XYLT1: variants seen among roughly 807,000 people sequenced by gnomAD.
XYLT1 encodes the protein xylosyltransferase 1.
Under a neutral mutation model 91.3 loss-of-function variants are expected in XYLT1, and 36 were observed. That is an observed-to-expected ratio of 0.39 (90% CI 0.30 to 0.52). XYLT1 has a LOEUF of 0.52. XYLT1 is among the 20% of genes least tolerant of loss of function. The probability of loss-of-function intolerance (pLI) is 0.68; values close to 1 mark genes in which losing one functional copy is unlikely to be tolerated. For missense variants in XYLT1, 1,242 were observed against 1,284.5 expected, an observed-to-expected ratio of 0.97 and a Z score of 0.51; for synonymous variants, 588 against 532.0, an observed-to-expected ratio of 1.11 and a Z score of -1.45.
intron 2 of XYLT1, among the ~76,000 whole-genome samples, chr16:17,331,238 A>G (rs2034895028): frequency 6.6e-6 from 1 of 152,216 alleles, no homozygotes; most frequent in Admixed American, 6.5e-5. Context: ...GGCCGCCTTG[A>G]CCATGCCGGC....
rs556812501 is a variant in XYLT1, at chr16:17,456,629, C to T, written c.363+13805G>A. Among the ~76,000 whole-genome samples, 7 of 152,334 alleles carry T rather than the reference C, an allele frequency of 4.6e-5. No homozygotes were observed. The South Asian group carries it at 1.2e-3, about 27-fold the overall frequency. ...GCGCTGGGATTACAGGCATGTGCCA[C>T]CACGCCCGGCAACAGTACCAACTTT... is the stretch of plus-strand genomic sequence containing the variant. On this transcript the variant is annotated intron_variant, in intron 1 of 11. Transcript: ENST00000261381.
rs146379031 is a variant in XYLT1 at position 17,344,454 on chromosome 16, T to C, written c.402+13558A>G. On this transcript the variant is annotated intron_variant, in intron 2 of 11. Transcript: ENST00000261381. ...CTTGCAGTGAGCCGAGATCACGCCA[T>C]TGCACTCCATCCTGGGTGACAGAAG... 1.9e-3 allele frequency among the ~76,000 whole-genome samples: 287 copies of C among 149,248 alleles called. 1 individual carries two copies. The highest frequency in any genetic ancestry group is 6.6e-3 in the African/African-American group (267 of 40,484).
chr16:17,383,237 C>T (rs8049688), intron 1 of XYLT1, among the ~76,000 whole-genome samples: 46,401 of 151,694 alleles, frequency 0.31, 7,762 homozygotes, highest in Non-Finnish European at 0.38. Context: ...TCATTTTGCA[C>T]GGCCCATTCT....
intron 1 of XYLT1, among the ~76,000 whole-genome samples, chr16:17,419,331 G>A (rs1031734563): frequency 1.4e-4 from 22 of 151,916 alleles, no homozygotes; most frequent in African/African-American, 5.3e-4. Flanking sequence ...GACAGAGCAA[G>A]ATCCTGTCTC....
At chr16:17,291,984 C>T (rs1185227614) in intron 2 of XYLT1, among the ~76,000 whole-genome samples, 1 of 151,770 alleles carries the variant, frequency 6.6e-6, no homozygotes, top group Non-Finnish European at 1.5e-5. Flanking sequence ...CCCAGGAGTT[C>T]AAGACCAGCC....
At chr16:17,422,227 C>T (rs1352347924) in intron 1 of XYLT1, among the ~76,000 whole-genome samples, 1 of 150,566 alleles carries the variant, frequency 6.6e-6, no homozygotes, top group Non-Finnish European at 1.5e-5. Context: ...GGTGGGGTCT[C>T]GCTCTGTCAC....
At chr16:17,188,055 C>T (rs2032225549) in intron 5 of XYLT1, among the ~76,000 whole-genome samples, 1 of 152,050 alleles carries the variant, frequency 6.6e-6, no homozygotes, top group South Asian at 2.1e-4. Context: ...AGGTGGCTGC[C>T]TGGCTCTGAG....
chr16:17,457,866 A>G (rs1338637318), intron 1 of XYLT1, among the ~76,000 whole-genome samples: 1 of 152,202 alleles, frequency 6.6e-6, no homozygotes. Flanking sequence ...TAGTCTGGGG[A>G]AAAAAATAAG....
At chr16:17,134,449 C>G in intron 9 of XYLT1, 24 bp downstream of exon 9, 1 of 1,612,396 alleles carries the variant, frequency 6.2e-7, no homozygotes, top group Non-Finnish European at 8.5e-7. Context: ...CAGCTCTCCT[C>G]TCTGCATCCC....
At chr16:17,345,520 G>C (rs2035132002) in intron 2 of XYLT1, among the ~76,000 whole-genome samples, 1 of 152,170 alleles carries the variant, frequency 6.6e-6, no homozygotes, top group Non-Finnish European at 1.5e-5. Context: ...AAAAGGCAGG[G>C]GGTGACGCAG....
intron 2 of XYLT1, among the ~76,000 whole-genome samples, chr16:17,302,317 T>G (rs1447109018): frequency 2.6e-5 from 4 of 152,164 alleles, no homozygotes; most frequent in African/African-American, 9.7e-5. Flanking sequence ...AGTATCAGCA[T>G]AAGATGTCGA....
At chr16:17,172,208 C>CT (rs1043820033) in intron 5 of XYLT1, among the ~76,000 whole-genome samples, 111 of 152,018 alleles carry the variant, frequency 7.3e-4, no homozygotes, top group African/African-American at 2.4e-3. Flanking sequence ...TCCTCTCTCC[C>CT]TTTTTTTTCT....
chr16:17,236,586 G>A (rs1415024470), intron 3 of XYLT1, among the ~76,000 whole-genome samples: 1 of 152,222 alleles, frequency 6.6e-6, no homozygotes, highest in East Asian at 1.9e-4. Flanking sequence ...TTAAACAGCA[G>A]AAACTTACTG....
At chr16:17,322,823 C>T (rs1212193625) in intron 2 of XYLT1, among the ~76,000 whole-genome samples, 3 of 152,208 alleles carry the variant, frequency 2.0e-5, no homozygotes, top group African/African-American at 7.2e-5. Context: ...CCATCAGTCT[C>T]CTCCTATAGA....
intron 6 of XYLT1, among the ~76,000 whole-genome samples, chr16:17,143,822 GTCATCACCACCATCGTCATCATCACCA>G (rs2031054652): frequency 3.4e-5 from 5 of 145,968 alleles, no homozygotes; most frequent in African/African-American, 1.3e-4. Flanking sequence ...TATCACCACT[GTCATCACCACCATCGTCATCATCACCA>G]TCATCATCAC....
intron 5 of XYLT1, among the ~76,000 whole-genome samples, chr16:17,171,409 T>G (rs1005323012): frequency 6.6e-6 from 1 of 152,180 alleles, no homozygotes; most frequent in Non-Finnish European, 1.5e-5. Context: ...CAAAATGCAC[T>G]GCAACACAGG....
At chr16:17,356,695 G>A (rs1033142513) in intron 2 of XYLT1, among the ~76,000 whole-genome samples, 2 of 152,144 alleles carry the variant, frequency 1.3e-5, no homozygotes, top group Admixed American at 6.5e-5. Flanking sequence ...GCCTTGAAAC[G>A]TTCGAACAGG....
chr16:17,261,220 G>T (rs1371868924), intron 2 of XYLT1, among the ~76,000 whole-genome samples: 8 of 148,994 alleles, frequency 5.4e-5, no homozygotes, highest in Middle Eastern at 3.4e-3. Flanking sequence ...TCCAGCCTGG[G>T]GGGAGAGTGA....
At chr16:17,265,843 G>A (rs907994193) in intron 2 of XYLT1, among the ~76,000 whole-genome samples, 1 of 150,010 alleles carries the variant, frequency 6.7e-6, no homozygotes, top group Non-Finnish European at 1.5e-5. Context: ...GTGGGGGTGG[G>A]TTGCCGTGAT....
Sources: gnomAD v4.1 joint callset for allele counts (sites outside exome capture counted in the v4.1 genomes callset) on GRCh38, gnomAD v4.1.1 for gene constraint, MANE v1.5 for transcripts, NCBI Gene and HGNC (gene_info 2026-07-23, HGNC 2026-07-21) for gene names.